Variants in GLIS3 observed in about 807,000 individuals in gnomAD.
GLIS3 encodes the protein zinc finger protein GLIS3.
Under a neutral mutation model 78.6 loss-of-function variants are expected in GLIS3, and 53 were observed. That is an observed-to-expected ratio of 0.67 (90% CI 0.54 to 0.85). The LOEUF is 0.85. Ranked by LOEUF, GLIS3 falls within the 40% of genes least tolerant of loss-of-function variation. The probability of loss-of-function intolerance (pLI) is 0.00; values close to 1 mark genes in which losing one functional copy is unlikely to be tolerated. For missense variants in GLIS3, 1,703 were observed against 1,231.1 expected, an observed-to-expected ratio of 1.38 and a Z score of -5.74; for synonymous variants, 684 against 509.9, an observed-to-expected ratio of 1.34 and a Z score of -4.60.
At chr9:3,837,693 A>G (rs1176883823) in intron 9 of GLIS3, among the ~76,000 whole-genome samples, 1 of 152,254 alleles carries the variant, frequency 6.6e-6, no homozygotes, top group African/African-American at 2.4e-5. Context: ...TACATGCTGC[A>G]TGACTCCAAC....
chr9:3,975,883 G>A (rs1818744800), intron 4 of GLIS3, among the ~76,000 whole-genome samples: 1 of 152,036 alleles, frequency 6.6e-6, no homozygotes, highest in African/African-American at 2.4e-5. Context: ...AGATAAATTA[G>A]GTGACTGTAA....
intron 2 of GLIS3, among the ~76,000 whole-genome samples, chr9:4,282,602 C>G (rs928279154): frequency 6.6e-6 from 1 of 152,108 alleles, no homozygotes; most frequent in Non-Finnish European, 1.5e-5. Context: ...GTGGGTTCTC[C>G]TAGTTCTCAG....
At chr9:3,829,091 G>A (rs938002734) in intron 10 of GLIS3, among the ~76,000 whole-genome samples, 1 of 152,130 alleles carries the variant, frequency 6.6e-6, no homozygotes, top group African/African-American at 2.4e-5. Flanking sequence ...GCCATAGTCT[G>A]GGAGAGACAT....
At chr9:3,947,849 G>T (rs566340136) in intron 4 of GLIS3, among the ~76,000 whole-genome samples, 5 of 152,260 alleles carry the variant, frequency 3.3e-5, no homozygotes, top group African/African-American at 1.2e-4. Context: ...GAAAGAGAGT[G>T]GCAGAGATAT....
intron 1 of GLIS3, among the ~76,000 whole-genome samples, chr9:4,288,404 A>T (rs1334698008): frequency 6.6e-6 from 1 of 152,240 alleles, no homozygotes; most frequent in Non-Finnish European, 1.5e-5. Context: ...ATGACTGGAA[A>T]TATGAGTCAC....
intron 2 of GLIS3, among the ~76,000 whole-genome samples, chr9:4,175,124 C>T (rs1188091782): frequency 2.0e-5 from 3 of 152,196 alleles, no homozygotes; most frequent in African/African-American, 7.2e-5. Context: ...CCAGGACTTT[C>T]TGAATGGTCT....
In GLIS3 at chr9:4,133,324, T is replaced by A. The variant is rs144851145; in HGVS notation, c.389-7383A>T. Among the ~76,000 whole-genome samples the A allele has an allele frequency of 9.2e-5, 14 of 152,336 alleles. No homozygotes were observed. The East Asian group carries it at 9.6e-4, about 10-fold the overall frequency. Reference sequence around the variant, plus strand: ...CACTCAAATGTAACTTATGGAACAATTGTTTTCCAATCCAGGATCATGCAT... The same window carrying A: ...CACTCAAATGTAACTTATGGAACAAATGTTTTCCAATCCAGGATCATGCAT... On this transcript the variant is annotated intron_variant, in intron 2 of 10. Transcript: ENST00000381971.
intron 4 of GLIS3, among the ~76,000 whole-genome samples, chr9:4,015,738 T>C (rs1257862910): frequency 6.6e-6 from 1 of 151,338 alleles, no homozygotes; most frequent in African/African-American, 2.4e-5. Context: ...AAATACAAAG[T>C]ATTAGTCGAG....
At chr9:4,298,570 C>A (rs950972238) in intron 1 of GLIS3, 1 of 312,664 alleles carries the variant, frequency 3.2e-6, no homozygotes, top group Non-Finnish European at 6.4e-6. Context: ...CGACCCGGGC[C>A]GACTTCAAAA....
At chr9:4,170,641 G>C (rs555109145) in intron 2 of GLIS3, among the ~76,000 whole-genome samples, 1 of 152,274 alleles carries the variant, frequency 6.6e-6, no homozygotes, top group East Asian at 1.9e-4. Context: ...AAAACAGTAA[G>C]CCTCCATCAG....
intron 2 of GLIS3, among the ~76,000 whole-genome samples, chr9:4,281,064 T>C (rs1458122554): frequency 6.6e-6 from 1 of 152,222 alleles, no homozygotes; most frequent in Non-Finnish European, 1.5e-5. Flanking sequence ...AACATGTATG[T>C]ACTAACAGCT....
chr9:4,355,233 T>A, the GLIS3 span, among the ~76,000 whole-genome samples: 2 of 152,024 alleles, frequency 1.3e-5, no homozygotes, highest in Non-Finnish European at 2.9e-5. Flanking sequence ...CACATCTGGG[T>A]CCCAAAGCAA....
At chr9:4,260,580 AAAGAT>A (rs1279183770) in intron 2 of GLIS3, among the ~76,000 whole-genome samples, 1 of 151,144 alleles carries the variant, frequency 6.6e-6, no homozygotes, top group African/African-American at 2.4e-5. Context: ...AAAAAAAAAA[AAAGAT>A]AAATACAAAA....
chr9:4,297,119 C>G (rs1267886662), intron 1 of GLIS3, among the ~76,000 whole-genome samples: 1 of 147,296 alleles, frequency 6.8e-6, no homozygotes, highest in Non-Finnish European at 1.5e-5. Flanking sequence ...GATTTTGTAC[C>G]CAAAAAAAAA....
intron 2 of GLIS3, among the ~76,000 whole-genome samples, chr9:4,209,657 T>A (rs555760625): frequency 6.6e-6 from 1 of 152,210 alleles, no homozygotes; most frequent in African/African-American, 2.4e-5. Context: ...AGAGCCTTCA[T>A]AGAATTCCTA....
chr9:4,223,691 A>T (rs1821521501), intron 2 of GLIS3, among the ~76,000 whole-genome samples: 1 of 152,300 alleles, frequency 6.6e-6, no homozygotes, highest in Admixed American at 6.5e-5. Context: ...AAACTCCCTT[A>T]GGCTTCTGGC....
At chr9:4,350,042 C>G (rs1817944916), upstream of GLIS3, among the ~76,000 whole-genome samples, 1 of 152,174 alleles carries the variant, frequency 6.6e-6, no homozygotes, top group Non-Finnish European at 1.5e-5. Flanking sequence ...CTGACTTTGA[C>G]CAAACTGAGA....
intron 4 of GLIS3, among the ~76,000 whole-genome samples, chr9:3,947,004 C>T (rs1002459188): frequency 1.4e-5 from 2 of 143,186 alleles, no homozygotes; most frequent in Non-Finnish European, 3.2e-5. Context: ...CATCCTACAG[C>T]CAACCCCTCA....
chr9:3,924,705 G>C (rs954544370), intron 6 of GLIS3, among the ~76,000 whole-genome samples: 2 of 152,216 alleles, frequency 1.3e-5, no homozygotes, highest in African/African-American at 4.8e-5. Context: ...AGCAGTAATT[G>C]CACAAAGGAC....
Sources: allele counts gnomAD v4.1 joint callset (sites outside exome capture counted in the v4.1 genomes callset), GRCh38; gene constraint gnomAD v4.1.1; transcripts MANE v1.5; gene names NCBI Gene and HGNC (gene_info 2026-07-23, HGNC 2026-07-21).